Variants in XYLB observed in about 807,000 individuals in gnomAD.
XYLB encodes the protein xylulose kinase.
Under a neutral mutation model 78.7 loss-of-function variants are expected in XYLB, and 62 were observed. The observed-to-expected ratio is 0.79, with a 90% CI of 0.64 to 0.97. XYLB has a LOEUF of 0.97. XYLB is among the 50% of genes least tolerant of loss of function. The pLI is 0.00. For missense variants in XYLB, 687 were observed against 676.8 expected, an observed-to-expected ratio of 1.02 and a Z score of -0.17; for synonymous variants, 245 against 247.4, an observed-to-expected ratio of 0.99 and a Z score of 0.09.
chr3:38,354,130 G>T lies in XYLB; in HGVS notation c.140+5498G>T, dbSNP rs557594405. ...GCTCTGTCGCCCAGGCTGGAGTGCA[G>T]TGGCATGATCTCGGCTCACTGCAAC... is the stretch of plus-strand genomic sequence containing the variant. On this transcript the variant is annotated intron_variant, in intron 2 of 18. Transcript: ENST00000207870. Among the ~76,000 whole-genome samples the T allele has an allele frequency of 1.1e-4, 16 of 151,916 alleles. 2 individuals are homozygous for T. The South Asian group carries it at 3.3e-3, about 32-fold the overall frequency.
downstream of XYLB, among the ~76,000 whole-genome samples, chr3:38,421,797 C>T (rs1049307780): frequency 6.6e-6 from 1 of 152,118 alleles, no homozygotes; most frequent in Non-Finnish European, 1.5e-5. Context: ...TTTGTCCCTA[C>T]CCCTCTACAC....
At chr3:38,409,561 A>G (rs1708484878) in intron 18 of XYLB, among the ~76,000 whole-genome samples, 1 of 152,200 alleles carries the variant, frequency 6.6e-6, no homozygotes, top group Non-Finnish European at 1.5e-5. Flanking sequence ...AGAAGGAAAT[A>G]AAGGGTACTC....
the XYLB span, among the ~76,000 whole-genome samples, chr3:38,429,030 C>T: frequency 6.6e-6 from 1 of 152,180 alleles, no homozygotes; most frequent in African/African-American, 2.4e-5. Context: ...GGGATTGCCA[C>T]GATTGCAGAG....
Position 38,412,943 on chromosome 3 carries a change from A to C in XYLB, c.1541A>C (p.Glu514Ala). The change falls in exon 19 of 19, where the codon GAG (glutamate) becomes GCG (alanine). Residue 514 changes from glutamate to alanine, a missense_variant. Transcript: ENST00000207870. ...TPSPGASQVY[E>A]ALLPQYAKLE... ...CTTTTTCTGCCCTTCTAGGTCTACG[A>C]GGCCCTTCTCCCCCAGTATGCCAAA... 1.2e-6 allele frequency: 2 copies of C among 1,602,844 alleles called. No individual in the cohort carries two copies. The highest frequency in any genetic ancestry group is 1.7e-6 in the Non-Finnish European group (2 of 1,175,232).
chr3:38,360,507 C>A, intron 3 of XYLB, 99 bp downstream of exon 3: 1 of 1,061,084 alleles, frequency 9.4e-7, no homozygotes, highest in Non-Finnish European at 1.4e-6. Flanking sequence ...CCAATGAGAG[C>A]ATCTGTTGTC....
At chr3:38,415,856 T>C (rs1708771969), downstream of XYLB, among the ~76,000 whole-genome samples, 1 of 152,140 alleles carries the variant, frequency 6.6e-6, no homozygotes, top group Admixed American at 6.5e-5. Flanking sequence ...CAGTTCCACA[T>C]GGCTGGGGAG....
chr3:38,401,548 A>G (rs916454140), intron 18 of XYLB, among the ~76,000 whole-genome samples: 20 of 152,206 alleles, frequency 1.3e-4, no homozygotes, highest in Admixed American at 3.9e-4. Flanking sequence ...GTGAGCAGCA[A>G]TGCAATTTCT....
intron 18 of XYLB, among the ~76,000 whole-genome samples, chr3:38,407,781 CAAAG>C (rs1392567253): frequency 1.3e-5 from 2 of 151,234 alleles, no homozygotes; most frequent in Admixed American, 6.6e-5. Flanking sequence ...TCAAAAGAGA[CAAAG>C]AAGGCCATTA....
intron 2 of XYLB, among the ~76,000 whole-genome samples, chr3:38,359,733 T>C (rs1390722004): frequency 6.6e-6 from 1 of 152,230 alleles, no homozygotes; most frequent in Non-Finnish European, 1.5e-5. Context: ...CTTTCATTTC[T>C]CTTGGCTGGA....
chr3:38,409,754 G>A (rs1409189330), intron 18 of XYLB, among the ~76,000 whole-genome samples: 9 of 152,120 alleles, frequency 5.9e-5, no homozygotes, highest in African/African-American at 1.9e-4. Flanking sequence ...GAGACAGAGA[G>A]CCAAATCATG....
intron 11 of XYLB, 78 bp from the exon 12 acceptor site, chr3:38,375,066 G>T (rs758273105): frequency 1.2e-5 from 14 of 1,142,502 alleles, no homozygotes; most frequent in African/African-American, 1.5e-5. Context: ...AAGGTGGGTG[G>T]AGTACAGCGC....
chr3:38,374,570 G>T, intron 11 of XYLB, 68 bp downstream of exon 11: 1 of 1,600,614 alleles, frequency 6.2e-7, no homozygotes, highest in Non-Finnish European at 8.6e-7. Context: ...CTGATAAGTA[G>T]CAGAGGTGCT....
chr3:38,365,022 C>T (rs1296675020), intron 4 of XYLB, among the ~76,000 whole-genome samples, 177 bp from the exon 5 acceptor site: 1 of 152,210 alleles, frequency 6.6e-6, no homozygotes, highest in African/African-American at 2.4e-5. Context: ...AGTTCCTCCC[C>T]ATTTTCTTGA....
chr3:38,417,439 T>G (rs1708832688), downstream of XYLB, among the ~76,000 whole-genome samples: 1 of 152,134 alleles, frequency 6.6e-6, no homozygotes, highest in Non-Finnish European at 1.5e-5. Flanking sequence ...TTTTGGTACA[T>G]AGAGTAGACT....
At chr3:38,439,437 C>G in the XYLB span, among the ~76,000 whole-genome samples, 11 of 152,214 alleles carry the variant, frequency 7.2e-5, no homozygotes, top group African/African-American at 2.7e-4. Context: ...AGGGGAGAAG[C>G]CACGTCACCC....
At chr3:38,412,579 G>T (rs1708638448) in intron 18 of XYLB, among the ~76,000 whole-genome samples, 1 of 152,116 alleles carries the variant, frequency 6.6e-6, no homozygotes, top group Admixed American at 6.5e-5. Flanking sequence ...CCATACTATG[G>T]GCTCCTTAAT....
At chr3:38,440,085 C>A in the XYLB span, among the ~76,000 whole-genome samples, 2 of 152,170 alleles carry the variant, frequency 1.3e-5, no homozygotes, top group African/African-American at 4.8e-5. Flanking sequence ...GTTCCTGTAG[C>A]AGTGGCCATT....
chr3:38,422,267 A>C (rs1253747703), downstream of XYLB, among the ~76,000 whole-genome samples: 1 of 152,176 alleles, frequency 6.6e-6, no homozygotes, highest in African/African-American at 2.4e-5. Flanking sequence ...TCAAATTGTT[A>C]TATCTACTTC....
At chr3:38,443,517 A>G in the XYLB span, among the ~76,000 whole-genome samples, 10 of 152,140 alleles carry the variant, frequency 6.6e-5, 1 homozygote, top group Non-Finnish European at 2.9e-5. Context: ...TCTCTGAACC[A>G]CCAGGGTTTG....
Sources: gnomAD v4.1 joint callset for allele counts (sites outside exome capture counted in the v4.1 genomes callset) on GRCh38, gnomAD v4.1.1 for gene constraint, MANE v1.5 for transcripts, NCBI Gene and HGNC (gene_info 2026-07-23, HGNC 2026-07-21) for gene names.